MTAP: variants seen among roughly 807,000 people sequenced by gnomAD.
The protein encoded by MTAP is methylthioadenosine phosphorylase.
Under a neutral mutation model 33.6 loss-of-function variants are expected in MTAP, and 33 were observed. The ratio of observed to expected loss-of-function variants is 0.98; its 90% CI spans 0.74 to 1.31. The LOEUF (loss-of-function observed/expected upper bound fraction) is 1.31, where lower values mean the gene tolerates loss of function less well. MTAP is among the 40% of genes most tolerant of loss of function. The probability of loss-of-function intolerance (pLI) is 0.00; values close to 1 mark genes in which losing one functional copy is unlikely to be tolerated. For synonymous variants in MTAP, 148 were observed against 125.7 expected (o/e 1.18, Z -1.19); for missense variants, 367 against 360.0 (o/e 1.02, Z -0.16).
chr9:21,874,464 G>C (rs1017927603), intron 1 of MTAP, among the ~76,000 whole-genome samples: 3 of 152,092 alleles, frequency 2.0e-5, no homozygotes, highest in Non-Finnish European at 2.9e-5. Context: ...CATATTTTGT[G>C]TTTCTTTTAT....
At chr9:21,831,112 A>G (rs1260141366) in intron 4 of MTAP, among the ~76,000 whole-genome samples, 1 of 152,140 alleles carries the variant, frequency 6.6e-6, no homozygotes, top group African/African-American at 2.4e-5. Flanking sequence ...ATTCATTTGT[A>G]TGTATGGCAG....
In MTAP at chr9:21,829,590, A is replaced by G. The variant is rs150344718; in HGVS notation, c.348-8318A>G. On this transcript the variant is annotated intron_variant, in intron 4 of 7. Transcript: ENST00000644715. ...CAGGGACTTACCTAGAACCACACAC[A>G]TTGGCCTATTGCCGTAAGTTTGTCA... 4.6e-4 allele frequency among the ~76,000 whole-genome samples: 70 copies of G among 151,660 alleles called. 1 individual carries two copies. Among genetic ancestry groups the G allele is most frequent in the African/African-American group, 8.7e-4 (36 of 41,306 alleles).
intron 5 of MTAP, among the ~76,000 whole-genome samples, chr9:21,852,042 A>G (rs918244978): frequency 2.0e-5 from 3 of 152,238 alleles, no homozygotes; most frequent in African/African-American, 4.8e-5. Context: ...TCTGACTAAT[A>G]CAATGGAATA....
In MTAP at chr9:21,864,944, T is replaced by C; in HGVS notation, c.*2930T>C. On this transcript the variant is annotated 3_prime_UTR_variant, in exon 8 of 8. Transcript: ENST00000644715. The stretch of plus-strand genomic sequence containing the variant: ...TGTGACAGTGGCCTGAACATGTTTT[T>C]AATTTTCTCAACAAGCATTTAGCCA... 1 of 985,490 alleles carries C rather than the reference T, an allele frequency of 1.0e-6. No homozygotes were observed. The highest frequency in any genetic ancestry group is 1.2e-6 in the Non-Finnish European group (1 of 829,938). The allele number at this position is 985,490 out of a possible 1,614,324, so 61.0% of individuals were successfully genotyped here. A position where few individuals can be genotyped will look rare whatever the true frequency, so the allele number is the denominator to read the frequency against.
intron 3 of MTAP, among the ~76,000 whole-genome samples, chr9:21,817,326 G>A (rs148966918): frequency 0.011 from 1,719 of 152,116 alleles, 27 homozygotes; most frequent in African/African-American, 0.04. Flanking sequence ...GCTTAAAATA[G>A]CACACATCAT....
chr9:21,901,055 A>G (rs1025037562), intron 1 of MTAP, among the ~76,000 whole-genome samples: 1 of 152,172 alleles, frequency 6.6e-6, no homozygotes, highest in African/African-American at 2.4e-5. Context: ...TTGAAAAACT[A>G]CCTCTTAGGT....
At chr9:21,810,927 C>G (rs1824329766) in intron 1 of MTAP, among the ~76,000 whole-genome samples, 1 of 152,188 alleles carries the variant, frequency 6.6e-6, no homozygotes. Context: ...TGGTTGCTCC[C>G]TCTCATACAG....
chr9:21,837,926 G>A lies in MTAP; in HGVS notation c.366G>A (p.Gln122=). Residue 122 remains glutamine (Q), a synonymous_variant, in exon 5 of 8, where the codon CAG becomes CAA. Coordinates refer to ENST00000644715, the MANE Select transcript of MTAP (RefSeq NM_002451.4). ...QFIDRTTMRP[Q]SFYDGSHSCA... is the part of the protein sequence containing the mutation. ...TTTGTAGGACCACTATGAGACCTCA[G>A]TCCTTCTATGATGGAAGTCATTCTT... 6.2e-7 allele frequency: 1 copy of A among 1,614,096 alleles called. No homozygotes were observed. Among genetic ancestry groups the A allele is most frequent in the Non-Finnish European group, 8.5e-7 (1 of 1,179,952 alleles).
chr9:21,854,615 G>T lies in MTAP; in HGVS notation c.451-16G>T, dbSNP rs763083172. 3.9e-6 allele frequency: 6 copies of T among 1,527,742 alleles called. No individual in the cohort carries two copies. Among genetic ancestry groups the T allele is most frequent in the Non-Finnish European group, 5.3e-6 (6 of 1,139,166 alleles). 94.6% of individuals were successfully genotyped at this position (1,527,742 alleles called of 1,614,324 possible). A position where few individuals can be genotyped will look rare whatever the true frequency, so the allele number is the denominator to read the frequency against. ...TGTGCTAGTATGTTTTGAAGTTTCT[G>T]GTTTTTCTTTTCTAGGTTCTTATAG... On this transcript the variant is annotated splice_polypyrimidine_tract_variant and intron_variant, in intron 5 of 7. Coordinates refer to ENST00000644715, the MANE Select transcript of MTAP (RefSeq NM_002451.4).
At chr9:21,930,152 A>G (rs1286390421) in intron 1 of MTAP, 4 of 392,346 alleles carry the variant, frequency 1.0e-5, no homozygotes, top group Admixed American at 3.0e-5. Context: ...AATGGAGTAA[A>G]CTCAAAATTC....
Position 21,862,093 on chromosome 9 carries a change from T to C in MTAP, c.*79T>C. 1 of 1,608,058 alleles carries C rather than the reference T, an allele frequency of 6.2e-7. No individual in the cohort carries two copies. Among genetic ancestry groups the C allele is most frequent in the Non-Finnish European group, 8.5e-7 (1 of 1,178,056 alleles). On this transcript the variant is annotated 3_prime_UTR_variant, in exon 8 of 8. Coordinates refer to ENST00000644715, the MANE Select transcript of MTAP (RefSeq NM_002451.4). ...GAATTCCTGCTTAACTTGAAAAAAA[T>C]ATGGGAAAGACATGCAGCTTTCATG...
chr9:21,822,223 G>A (rs564882404), intron 4 of MTAP, among the ~76,000 whole-genome samples: 1 of 152,158 alleles, frequency 6.6e-6, no homozygotes, highest in East Asian at 1.9e-4. Flanking sequence ...TGTGATGTTA[G>A]GGTGTCAATT....
At chr9:21,816,628 A>T in intron 2 of MTAP, 86 bp from the exon 3 acceptor site, 1 of 1,133,948 alleles carries the variant, frequency 8.8e-7, no homozygotes, top group South Asian at 1.4e-5. Flanking sequence ...TTCAGATTCC[A>T]TGAGTCCTGT....
chr9:21,828,755 T>G (rs1824888502), intron 4 of MTAP, among the ~76,000 whole-genome samples: 1 of 152,234 alleles, frequency 6.6e-6, no homozygotes, highest in African/African-American at 2.4e-5. Flanking sequence ...TTTGGGGTGA[T>G]AACGTTTTGA....
rs953607401 is a variant in MTAP, at chr9:21,922,558, C to A, written c.148-8450C>A. 7.9e-5 allele frequency among the ~76,000 whole-genome samples: 12 copies of A among 152,324 alleles called. No homozygotes were observed. Among genetic ancestry groups the A allele is most frequent in the African/African-American group, 2.9e-4 (12 of 41,590 alleles). On this transcript the variant is annotated intron_variant, in intron 1 of 1. Transcript: ENST00000577563. This position sits in a 1 kb window ranked among gnomAD's most constrained non-coding sequence, Gnocchi z 4.8. ...CCTTTGAAGAGGCAAGAAACAAGTT[C>A]TTGCAGACCCATACAGATTCACTGC... is the stretch of plus-strand genomic sequence containing the variant.
chr9:21,932,319 T>G (rs1818974471), downstream of MTAP: 1 of 152,150 alleles, frequency 6.6e-6, no homozygotes, highest in Non-Finnish European at 1.5e-5. Flanking sequence ...TTCAACCACC[T>G]CAGCAAAGCT....
intron 1 of MTAP, among the ~76,000 whole-genome samples, chr9:21,904,306 G>C (rs1818440127): frequency 6.6e-6 from 1 of 152,192 alleles, no homozygotes; most frequent in African/African-American, 2.4e-5. Context: ...GGCCAGGGTG[G>C]TCTTGGGAAA....
chr9:21,940,541 G>T (rs1375016038), downstream of MTAP, among the ~76,000 whole-genome samples: 2 of 152,144 alleles, frequency 1.3e-5, no homozygotes, highest in Admixed American at 1.3e-4. Context: ...ATTTCCTCCA[G>T]TATCTGGCTA....
At chr9:21,818,718 T>C (rs1244843374) in intron 4 of MTAP, among the ~76,000 whole-genome samples, 1 of 152,250 alleles carries the variant, frequency 6.6e-6, no homozygotes, top group African/African-American at 2.4e-5. Flanking sequence ...TTTTGATATA[T>C]GTATGCATTG....
Sources: allele counts gnomAD v4.1 joint callset (sites outside exome capture counted in the v4.1 genomes callset), GRCh38; gene constraint gnomAD v4.1.1; non-coding constraint Gnocchi (gnomAD v3.1); transcripts MANE v1.5; gene names NCBI Gene and HGNC (gene_info 2026-07-23, HGNC 2026-07-21).